ROM1: variants seen among roughly 807,000 people sequenced by gnomAD.
The protein encoded by ROM1 is retinal outer segment membrane protein 1.
A neutral mutation model predicts 23.0 loss-of-function variants in ROM1; 17 were observed. The ratio of observed to expected loss-of-function variants is 0.74; its 90% CI spans 0.51 to 1.11. The LOEUF is 1.11. Among genes scored for constraint, ROM1 ranks in the 50% least tolerant of loss-of-function variants. The pLI is 0.00. For missense variants in ROM1, 436 were observed against 439.7 expected (o/e 0.99, Z 0.08); for synonymous variants, 200 against 206.5 (o/e 0.97, Z 0.27).
chr11:62,613,875 A>G lies in ROM1; in HGVS notation c.590+4A>G. 2 of 1,613,578 alleles carry G rather than the reference A, an allele frequency of 1.2e-6. No individual in the cohort carries two copies. The highest frequency in any genetic ancestry group is 1.7e-6 in the Non-Finnish European group (2 of 1,179,832). The stretch of plus-strand genomic sequence containing the variant: ...CCGGTGACCGGGATGTGGCTGAGTG[A>G]GTGATTTGCGTCTCCCTTCCTCCTC... On this transcript the variant is annotated splice_donor_region_variant and intron_variant, in intron 1 of 2. Transcript: ENST00000278833.
At position 62,613,574 on chromosome 11, in the gene ROM1, G is replaced by T. The variant is rs1263853812; in HGVS notation, c.293G>T (p.Gly98Val). 6.2e-7 allele frequency: 1 copy of T among 1,613,632 alleles called. No individual in the cohort carries two copies. The highest frequency in any genetic ancestry group is 2.2e-5 in the East Asian group (1 of 44,876). Residue 98 changes from glycine to valine, a missense_variant, in exon 1 of 3, where the codon GGG becomes GTG. By Grantham distance (109) the Gly-to-Val change is moderately radical. Transcript: ENST00000278833. Reference protein sequence around the residue: ...LNAALYPPWRGVLGPLLVAGT... With the variant: ...LNAALYPPWRVVLGPLLVAGT... ...GCAGCTCTATACCCTCCCTGGCGAG[G>T]GGTCCTGGGCCCGCTGCTGGTGGCT...
Position 62,615,014 on chromosome 11 carries a change from T to G in ROM1, c.*175T>G. 1 of 614,968 alleles carries G rather than the reference T, an allele frequency of 1.6e-6. No individual in the cohort carries two copies. The highest frequency in any genetic ancestry group is 2.0e-5 in the South Asian group (1 of 50,592). 38.1% of individuals were successfully genotyped at this position (614,968 alleles called of 1,614,324 possible). A position where few individuals can be genotyped will look rare whatever the true frequency, so the allele number is the denominator to read the frequency against. ...ATGTCCTAGGGCCTAGCCCTTGTAG[T>G]CAGAACCACCAGGGAACAGCAAAGA... On this transcript the variant is annotated 3_prime_UTR_variant, in exon 3 of 3. Transcript: ENST00000278833.
Position 62,614,694 on chromosome 11 carries a change from G to A in ROM1, c.911G>A (p.Gly304Glu). 6.2e-7 allele frequency: 1 copy of A among 1,614,208 alleles called. No homozygotes were observed. Residue 304 changes from glycine (G) to glutamate (E), a missense_variant, in exon 3 of 3, where the codon GGA becomes GAA. Gly to Glu is a moderately conservative substitution (Grantham distance 98, BLOSUM62 -2). Transcript: ENST00000278833. The stretch of plus-strand genomic sequence containing the variant: ...CTTGGAGGGGTCATTGATGCGGGAG[G>A]AGAGACCCAGGGCTATCTCTTTCCC... ...EGLGGVIDAG[G>E]ETQGYLFPSG...
Position 62,613,833 on chromosome 11 carries a change from C to T in ROM1, c.552C>T (p.Ser184=), listed in dbSNP as rs758812942. ...ATTGGTTTGGGGTCCAGTGGGTCAG[C>T]AGCCGTTACCTGGATCCCGGTGACC... ...YKDWFGVQWV[S]SRYLDPGDRD... The change falls in exon 1 of 3, where the codon AGC becomes AGT. Residue 184 remains serine (S), a synonymous_variant. Transcript: ENST00000278833. The T allele has an allele frequency of 2.5e-6, 4 of 1,613,986 alleles. No individual in the cohort carries two copies. Among genetic ancestry groups the T allele is most frequent in the Admixed American group, 1.7e-5 (1 of 60,004 alleles).
At position 62,614,442 on chromosome 11, in the gene ROM1, G is replaced by A; in HGVS notation, c.775G>A (p.Glu259Lys). 6.2e-7 allele frequency: 1 copy of A among 1,614,164 alleles called. No homozygotes were observed. The highest frequency in any genetic ancestry group is 1.1e-5 in the South Asian group (1 of 91,080). The part of the protein sequence containing the change: ...WAQGCHEVLL[E>K]HLQDLAGTLG... ...CCAAGGGTGCCATGAGGTGCTGCTG[G>A]AGCACTTGCAGGACTTGGCAGGCAC... The change falls in exon 2 of 3, where the codon GAG becomes AAG. Residue 259 changes from glutamate to lysine, a missense_variant. By Grantham distance (56) the Glu-to-Lys change is moderately conservative. Coordinates refer to ENST00000278833, the MANE Select transcript of ROM1 (RefSeq NM_000327.4).
Position 62,614,709 on chromosome 11 carries a change from A to C in ROM1, c.926A>C (p.Tyr309Ser), listed in dbSNP as rs374968800. 3.8e-5 allele frequency: 62 copies of C among 1,614,078 alleles called. No homozygotes were observed. Among genetic ancestry groups the C allele is most frequent in the Middle Eastern group, 1.6e-4 (1 of 6,084 alleles). ...VIDAGGETQG[Y>S]LFPSGLKDML... ...GATGCGGGAGGAGAGACCCAGGGCTATCTCTTTCCCAGTGGGCTGAAAGAT... is the reference window on the plus strand; with the variant it reads ...GATGCGGGAGGAGAGACCCAGGGCTCTCTCTTTCCCAGTGGGCTGAAAGAT... Residue 309 changes from tyrosine (Y) to serine (S), a missense_variant, in exon 3 of 3, where the codon TAT becomes TCT. By Grantham distance (144) the Tyr-to-Ser change is moderately radical (BLOSUM62 -2). Transcript: ENST00000278833.
chr11:62,614,966 A>T lies in ROM1; in HGVS notation c.*127A>T, dbSNP rs1344763428. 1 of 778,246 alleles carries T rather than the reference A, an allele frequency of 1.3e-6. No individual in the cohort carries two copies. The highest frequency in any genetic ancestry group is 1.7e-5 in the African/African-American group (1 of 57,606). 48.2% of individuals were successfully genotyped at this position (778,246 alleles called of 1,614,324 possible). A position where few individuals can be genotyped will look rare whatever the true frequency, so the allele number is the denominator to read the frequency against. On this transcript the variant is annotated 3_prime_UTR_variant, in exon 3 of 3. Coordinates refer to ENST00000278833, the MANE Select transcript of ROM1 (RefSeq NM_000327.4). ...GGGCTAAGGATAGTCAGCGAGCTGG[A>T]CTGGGGTAAGAAAGAAAACCAGATG...
intron 1 of ROM1, 29 bp downstream of exon 1, chr11:62,613,900 C>T: frequency 6.2e-7 from 1 of 1,613,174 alleles, no homozygotes. Context: ...CCTTCCTCCT[C>T]CTCCTCCTCC....
rs1942943773 is a variant in ROM1, at chr11:62,613,529, C to T, written c.248C>T (p.Ala83Val). The T allele has an allele frequency of 3.7e-6, 6 of 1,613,744 alleles. No individual in the cohort carries two copies. The highest frequency in any genetic ancestry group is 5.1e-6 in the Non-Finnish European group (6 of 1,179,878). Residue 83 changes from alanine (A) to valine (V), a missense_variant, in exon 1 of 3, where the codon GCC (alanine) becomes GTC (valine). Coordinates refer to ENST00000278833, the MANE Select transcript of ROM1 (RefSeq NM_000327.4). The stretch of plus-strand genomic sequence containing the variant: ...GGCACAGGACTAGTGGGTGTAGGAG[C>T]CAGCCGGGCAAGTCTGAATGCAGCT... ...ALGTGLVGVGASRASLNAALY... is the reference protein window; with the variant it reads ...ALGTGLVGVGVSRASLNAALY...
At position 62,613,797 on chromosome 11, in the gene ROM1, C is replaced by T. The variant is rs376189615; in HGVS notation, c.516C>T (p.His172=). 16 of 1,614,050 alleles carry T rather than the reference C, an allele frequency of 9.9e-6. No homozygotes were observed. Among genetic ancestry groups the T allele is most frequent in the Admixed American group, 3.3e-5 (2 of 60,008 alleles). ...LQLRYHCCGR[H]GYKDWFGVQW... The stretch of plus-strand genomic sequence containing the variant: ...TGAGGTACCACTGCTGCGGGCGCCA[C>T]GGGTACAAGGATTGGTTTGGGGTCC... The change falls in exon 1 of 3, where the codon CAC becomes CAT. Residue 172 remains histidine, a synonymous_variant. Transcript: ENST00000278833.
At position 62,614,660 on chromosome 11, in the gene ROM1, C is replaced by T. The variant is rs760890063; in HGVS notation, c.877C>T (p.Leu293=). ...TGGCCTGCGGTACCTGCAAACAGCA[C>T]TGGAGGGGCTTGGAGGGGTCATTGA... ...LLGLRYLQTA[L]EGLGGVIDAG... is the part of the protein sequence containing the mutation. The change falls in exon 3 of 3, where the codon CTG becomes TTG. Residue 293 remains leucine, a synonymous_variant. Coordinates refer to ENST00000278833, the MANE Select transcript of ROM1 (RefSeq NM_000327.4). The T allele has an allele frequency of 1.2e-6, 2 of 1,614,250 alleles. No individual in the cohort carries two copies. Among genetic ancestry groups the T allele is most frequent in the Admixed American group, 3.3e-5 (2 of 60,026 alleles).
In ROM1 at chr11:62,613,346, G is replaced by T. The variant is rs760827322; in HGVS notation, c.65G>T (p.Trp22Leu). ...QPRIRLAQGLWLLSWLLALAG... is the reference protein window; with the variant it reads ...QPRIRLAQGLLLLSWLLALAG... ...CGCATCCGCCTGGCACAAGGGCTCT[G>T]GCTCCTCTCCTGGCTGCTGGCGCTG... Residue 22 changes from tryptophan to leucine, a missense_variant, in exon 1 of 3, where the codon TGG (tryptophan) becomes TTG (leucine). Coordinates refer to ENST00000278833, the MANE Select transcript of ROM1 (RefSeq NM_000327.4). 6.2e-7 allele frequency: 1 copy of T among 1,613,528 alleles called. No individual in the cohort carries two copies. The highest frequency in any genetic ancestry group is 2.2e-5 in the East Asian group (1 of 44,876).
Position 62,614,860 on chromosome 11 carries a change from G to A in ROM1, c.*21G>A, listed in dbSNP as rs1464102409. On this transcript the variant is annotated 3_prime_UTR_variant, in exon 3 of 3. Coordinates refer to ENST00000278833, the MANE Select transcript of ROM1 (RefSeq NM_000327.4). ...CCTAGAGGCCTGGAGCTTGGGGTGA[G>A]GAAGAGGGAGGGATGGACAAGTCTG... 2 of 1,589,624 alleles carry A rather than the reference G, an allele frequency of 1.3e-6. No individual in the cohort carries two copies. The highest frequency in any genetic ancestry group is 1.7e-6 in the Non-Finnish European group (2 of 1,159,094).
chr11:62,614,272 A>G lies in ROM1; in HGVS notation c.605A>G (p.Asn202Ser), dbSNP rs1464646439. ...DRDVADRIQSNVEGLYLTDGV... is the reference protein window; with the variant it reads ...DRDVADRIQSSVEGLYLTDGV... Reference sequence around the variant, plus strand: ...TCCCTTTGCAGCCGGATCCAGAGCAATGTAGAAGGCCTATACCTGACTGAT... The same window carrying G: ...TCCCTTTGCAGCCGGATCCAGAGCAGTGTAGAAGGCCTATACCTGACTGAT... The change falls in exon 2 of 3, where the codon AAT (asparagine) becomes AGT (serine). Residue 202 changes from asparagine to serine, a missense_variant. Asn to Ser is a conservative substitution (Grantham distance 46, BLOSUM62 1). Transcript: ENST00000278833. 5 of 1,614,012 alleles carry G rather than the reference A, an allele frequency of 3.1e-6. No homozygotes were observed. The highest frequency in any genetic ancestry group is 1.6e-4 in the Middle Eastern group (1 of 6,062).
Position 62,613,614 on chromosome 11 carries a change from G to A in ROM1, c.333G>A (p.Gly111=), listed in dbSNP as rs150065017. 14 of 1,612,232 alleles carry A rather than the reference G, an allele frequency of 8.7e-6. No individual in the cohort carries two copies. Among genetic ancestry groups the A allele is most frequent in the Non-Finnish European group, 1.1e-5 (13 of 1,179,504 alleles). ...GPLLVAGTAG[G]GGLLVVGLGL... is the part of the protein sequence containing the mutation. ...TGCTGGTGGCTGGCACGGCTGGTGG[G>A]GGGGGGCTCCTGGTCGTCGGCCTCG... Residue 111 remains glycine (G), a synonymous_variant, in exon 1 of 3, where the codon GGG becomes GGA. Transcript: ENST00000278833.
chr11:62,613,607 C>T lies in ROM1; in HGVS notation c.326C>T (p.Ala109Val), dbSNP rs1942949873. 2 of 1,612,538 alleles carry T rather than the reference C, an allele frequency of 1.2e-6. No homozygotes were observed. Among genetic ancestry groups the T allele is most frequent in the Non-Finnish European group, 1.7e-6 (2 of 1,179,444 alleles). ...GGCCCGCTGCTGGTGGCTGGCACGG[C>T]TGGTGGGGGGGGGCTCCTGGTCGTC... is the stretch of plus-strand genomic sequence containing the variant. ...VLGPLLVAGTAGGGGLLVVGL... is the reference protein window; with the variant it reads ...VLGPLLVAGTVGGGGLLVVGL... Residue 109 changes from alanine (A) to valine (V), a missense_variant, in exon 1 of 3, where the codon GCT becomes GTT. Coordinates refer to ENST00000278833, the MANE Select transcript of ROM1 (RefSeq NM_000327.4).
At chr11:62,614,597 T>G in intron 2 of ROM1, 24 bp from the exon 3 acceptor site, 1 of 1,614,198 alleles carries the variant, frequency 6.2e-7, no homozygotes, top group South Asian at 1.1e-5. Flanking sequence ...TCTCCCTGAC[T>G]CTTTCCCCTT....
In ROM1 at chr11:62,613,308, G is replaced by C. The variant is rs1565071475; in HGVS notation, c.27G>C (p.Leu9=). MAPVLPLV[L]PLQPRIRLAQ... ...TGGCGCCGGTGTTGCCCCTGGTGCTGCCCCTGCAGCCCCGCATCCGCCTGG... is the reference window on the plus strand; with the variant it reads ...TGGCGCCGGTGTTGCCCCTGGTGCTCCCCCTGCAGCCCCGCATCCGCCTGG... The change falls in exon 1 of 3, where the codon CTG becomes CTC. Residue 9 remains leucine, a synonymous_variant. Coordinates refer to ENST00000278833, the MANE Select transcript of ROM1 (RefSeq NM_000327.4). 1 of 1,609,882 alleles carries C rather than the reference G, an allele frequency of 6.2e-7. No individual in the cohort carries two copies. The highest frequency in any genetic ancestry group is 8.5e-7 in the Non-Finnish European group (1 of 1,179,080).
Position 62,613,411 on chromosome 11 carries a change from G to C in ROM1, c.130G>C (p.Val44Leu), listed in dbSNP as rs1464723538. The stretch of plus-strand genomic sequence containing the variant: ...CCTCCTCTGTAGTGGGCACCTCCTG[G>C]TCCAGCTAAGGCACCTTGGCACCTT... ...VILLCSGHLL[V>L]QLRHLGTFLA... The change falls in exon 1 of 3, where the codon GTC becomes CTC. Residue 44 changes from valine (V) to leucine (L), a missense_variant. Physicochemically the swap from Val to Leu is conservative, Grantham distance 32. Coordinates refer to ENST00000278833, the MANE Select transcript of ROM1 (RefSeq NM_000327.4). The C allele has an allele frequency of 3.1e-6, 5 of 1,613,374 alleles. No homozygotes were observed. Among genetic ancestry groups the C allele is most frequent in the Non-Finnish European group, 4.2e-6 (5 of 1,179,672 alleles).
Sources: allele counts gnomAD v4.1 joint callset, GRCh38; gene constraint gnomAD v4.1.1; transcripts MANE v1.5; gene names NCBI Gene and HGNC (gene_info 2026-07-23, HGNC 2026-07-21).